The following EIF4E variants were observed in gnomAD, a reference collection of about 807,000 sequenced individuals.
EIF4E encodes eIF-4F 25 kDa subunit.
For synonymous variants in EIF4E, 71 were observed against 88.5 expected, an observed-to-expected ratio of 0.80 and a Z score of 1.11; for missense variants, 113 against 265.6, an observed-to-expected ratio of 0.43 and a Z score of 3.99.
chr4:98,897,497 C>T lies in EIF4E; in HGVS notation c.125+4379G>A, dbSNP rs112492769. Among the ~76,000 whole-genome samples, 981 of 152,034 alleles carry T rather than the reference C, an allele frequency of 6.5e-3. 11 individuals carry two copies. Among genetic ancestry groups the T allele is most frequent in the African/African-American group, 0.022 (914 of 41,410 alleles). On this transcript the variant is annotated intron_variant, in intron 2 of 6. Coordinates refer to ENST00000450253, the MANE Select transcript of EIF4E (RefSeq NM_001968.5). Reference sequence around the variant, plus strand: ...GACGCATGAGAATGAACCCAGGAGGCGGAGGTTGCAGTGAGCCAAGATCGC... The same window carrying T: ...GACGCATGAGAATGAACCCAGGAGGTGGAGGTTGCAGTGAGCCAAGATCGC...
At chr4:98,909,609 A>C (rs1202833081) in intron 1 of EIF4E, 1 of 682,274 alleles carries the variant, frequency 1.5e-6, no homozygotes, top group Non-Finnish European at 2.7e-6. Context: ...AGTCCTTTTC[A>C]CTTTCTAAAA....
rs140798672 is a variant in EIF4E, at chr4:98,906,972, G to A, written c.19-4990C>T. Among the ~76,000 whole-genome samples the A allele has an allele frequency of 5.4e-3, 828 of 152,236 alleles. 3 individuals are homozygous for A. Among genetic ancestry groups the A allele is most frequent in the African/African-American group, 0.019 (799 of 41,524 alleles). On this transcript the variant is annotated intron_variant, in intron 1 of 6. Transcript: ENST00000450253. ...ATTAAAAAATAAAAGCATTTAAACT[G>A]TCTGATACATGGGAAATGCAAAATA...
At chr4:98,911,585 C>T (rs1235150116) in intron 1 of EIF4E, among the ~76,000 whole-genome samples, 3 of 141,076 alleles carry the variant, frequency 2.1e-5, no homozygotes, top group Admixed American at 1.5e-4. Flanking sequence ...CGCTTGAACC[C>T]GGGAGGCAGA....
At chr4:98,922,474 T>G (rs889681005) in intron 1 of EIF4E, among the ~76,000 whole-genome samples, 3 of 151,214 alleles carry the variant, frequency 2.0e-5, no homozygotes, top group African/African-American at 4.9e-5. Flanking sequence ...GAGAATCACT[T>G]GAACCCAGGA....
intron 1 of EIF4E, among the ~76,000 whole-genome samples, chr4:98,925,723 G>A (rs745556440): frequency 6.6e-6 from 1 of 152,166 alleles, no homozygotes; most frequent in Non-Finnish European, 1.5e-5. Flanking sequence ...AGCAGGAAAA[G>A]CCCATGGCTC....
intron 2 of EIF4E, among the ~76,000 whole-genome samples, chr4:98,900,462 A>T (rs184323999): frequency 7.4e-4 from 112 of 152,254 alleles, no homozygotes; most frequent in African/African-American, 2.3e-3. Flanking sequence ...GGAAACATTT[A>T]AAAAAATTGA....
chr4:98,882,472 T>TA (rs1375213691), intron 6 of EIF4E, among the ~76,000 whole-genome samples: 4 of 143,136 alleles, frequency 2.8e-5, no homozygotes, highest in African/African-American at 1.0e-4. Flanking sequence ...AAAAATCAAA[T>TA]AAAAATAAAG....
At chr4:98,890,984 G>A (rs1475688737) in intron 3 of EIF4E, 4 of 527,054 alleles carry the variant, frequency 7.6e-6, no homozygotes, top group South Asian at 2.2e-5. Context: ...AAGTTCTAAG[G>A]GCAATAATGG....
At chr4:98,882,200 G>A (rs1037886024) in intron 6 of EIF4E, among the ~76,000 whole-genome samples, 5 of 151,718 alleles carry the variant, frequency 3.3e-5, no homozygotes, top group Non-Finnish European at 7.4e-5. Flanking sequence ...AGACCATCCT[G>A]GCTAACATGG....
At chr4:98,905,919 T>C (rs1724852012) in intron 1 of EIF4E, among the ~76,000 whole-genome samples, 1 of 152,216 alleles carries the variant, frequency 6.6e-6, no homozygotes, top group Non-Finnish European at 1.5e-5. Context: ...ACAATCCTAA[T>C]ATTATAGAGG....
intron 2 of EIF4E, among the ~76,000 whole-genome samples, chr4:98,892,344 AAAAAAAAAC>A (rs1196427430): frequency 1.3e-5 from 2 of 148,226 alleles, no homozygotes; most frequent in South Asian, 2.1e-4. Flanking sequence ...AACAAACAAA[AAAAAAAAAC>A]AAAAAAAACA....
chr4:98,927,571 G>T (rs1271099488), intron 1 of EIF4E, among the ~76,000 whole-genome samples: 1 of 140,008 alleles, frequency 7.1e-6, no homozygotes, highest in Admixed American at 8.0e-5. Flanking sequence ...CAGGAGAATC[G>T]CTTGAACCCG....
intron 1 of EIF4E, chr4:98,910,100 C>T: frequency 4.5e-6 from 1 of 221,640 alleles, no homozygotes; most frequent in South Asian, 1.5e-4. Context: ...TGGTTTTTAG[C>T]TTTCAAACAT....
chr4:98,892,698 AAAG>A (rs1315545433), intron 2 of EIF4E, among the ~76,000 whole-genome samples: 9 of 151,716 alleles, frequency 5.9e-5, no homozygotes, highest in Admixed American at 2.0e-4. Flanking sequence ...AAAAAAAAAA[AAAG>A]AAGGCGAGAA....
chr4:98,892,973 G>A (rs1724219582), intron 2 of EIF4E, among the ~76,000 whole-genome samples: 1 of 151,862 alleles, frequency 6.6e-6, no homozygotes. Flanking sequence ...ATATATAGAG[G>A]CATACCTTGG....
chr4:98,913,565 G>A (rs1033394226), intron 1 of EIF4E, among the ~76,000 whole-genome samples: 3 of 151,906 alleles, frequency 2.0e-5, no homozygotes, highest in Admixed American at 6.6e-5. Flanking sequence ...CTCAGCCTTC[G>A]AAGTTGCTAG....
chr4:98,905,875 A>T (rs1724850771), intron 1 of EIF4E, among the ~76,000 whole-genome samples: 1 of 152,240 alleles, frequency 6.6e-6, no homozygotes, highest in South Asian at 2.1e-4. Context: ...ACATTCTGCA[A>T]AAATTAGCAC....
rs1579143968 is a variant in EIF4E at position 98,881,226 on chromosome 4, A to G, written c.540-84T>C. 2.6e-6 allele frequency: 4 copies of G among 1,517,842 alleles called. No individual in the cohort carries two copies. The South Asian group carries it at 3.8e-5, about 14-fold the overall frequency. 94.0% of individuals were successfully genotyped at this position (1,517,842 alleles called of 1,614,324 possible). A position where few individuals can be genotyped will look rare whatever the true frequency, so the allele number is the denominator to read the frequency against. ...ATACATTTAAAAATTTAGGGTTATT[A>G]GTCTTTATATTAAAAAACATAGACT... is the stretch of plus-strand genomic sequence containing the variant. On this transcript the variant is annotated intron_variant, in intron 6 of 6. Coordinates refer to ENST00000450253, the MANE Select transcript of EIF4E (RefSeq NM_001968.5).
At chr4:98,885,170 A>G in intron 5 of EIF4E, 109 bp from the exon 6 acceptor site, 1 of 1,332,906 alleles carries the variant, frequency 7.5e-7, no homozygotes. Flanking sequence ...TTAAATCAAG[A>G]GTTAATTTTT....
Sources: gnomAD v4.1 joint callset for allele counts (sites outside exome capture counted in the v4.1 genomes callset) on GRCh38, gnomAD v4.1.1 for gene constraint, MANE v1.5 for transcripts, NCBI Gene and HGNC (gene_info 2026-07-23, HGNC 2026-07-21) for gene names.